The following MPPED2 variants were observed in gnomAD, a reference collection of about 807,000 sequenced individuals.
MPPED2 encodes the protein metallophosphoesterase MPPED2.
A neutral mutation model predicts 33.0 loss-of-function variants in MPPED2; 5 were observed. The observed-to-expected ratio is 0.15, with a 90% CI of 0.08 to 0.32. MPPED2 has a LOEUF of 0.32. Ranked by LOEUF, MPPED2 falls within the 10% of genes least tolerant of loss-of-function variation. The pLI, the probability that MPPED2 is intolerant of heterozygous loss-of-function variation, is 1.00. For missense variants in MPPED2, 275 were observed against 372.1 expected, an observed-to-expected ratio of 0.74 and a Z score of 2.15; for synonymous variants, 136 against 141.9, an observed-to-expected ratio of 0.96 and a Z score of 0.29.
intron 4 of MPPED2, among the ~76,000 whole-genome samples, chr11:30,423,643 T>A (rs1178077352): frequency 6.6e-6 from 1 of 152,220 alleles, no homozygotes; most frequent in Non-Finnish European, 1.5e-5. Flanking sequence ...ACTGGCCAAT[T>A]ATTGGCTTCT....
exon 7 of MPPED2, chr11:30,384,797 C>T (rs1947685287): frequency 6.6e-6 from 1 of 152,126 alleles, no homozygotes; most frequent in Non-Finnish European, 1.5e-5. Context: ...ACTCTATGTC[C>T]ATATGACAAG....
chr11:30,559,506 T>C lies in MPPED2; in HGVS notation c.128+20740A>G, dbSNP rs1956140538. ...TTTGTATACATTTTAACTTGCATGA[T>C]GTGTCAATTAAAAGCTTACTAATTA... On this transcript the variant is annotated intron_variant, in intron 2 of 6. Transcript: ENST00000358117. Among the ~76,000 whole-genome samples, 2 of 152,312 alleles carry C rather than the reference T, an allele frequency of 1.3e-5. 1 individual carries two copies. The highest frequency in any genetic ancestry group is 2.9e-5 in the Non-Finnish European group (2 of 68,024).
chr11:30,533,388 G>A (rs1298263143), intron 3 of MPPED2, among the ~76,000 whole-genome samples: 1 of 152,108 alleles, frequency 6.6e-6, no homozygotes, highest in Non-Finnish European at 1.5e-5. Flanking sequence ...CTACACTAGA[G>A]TAGAAAGCCA....
At chr11:30,478,865 G>A (rs1186937412) in intron 4 of MPPED2, among the ~76,000 whole-genome samples, 1 of 152,170 alleles carries the variant, frequency 6.6e-6, no homozygotes, top group Non-Finnish European at 1.5e-5. Flanking sequence ...ATGCCTGTGT[G>A]TAGTGTTGTG....
chr11:30,531,464 T>C (rs12273679), intron 3 of MPPED2, among the ~76,000 whole-genome samples: 2,798 of 152,224 alleles, frequency 0.018, 81 homozygotes, highest in African/African-American at 0.064. Flanking sequence ...ATGGTAGAGA[T>C]TTGGGAGGAA....
At chr11:30,465,175 A>G (rs1204382830) in intron 4 of MPPED2, among the ~76,000 whole-genome samples, 1 of 152,230 alleles carries the variant, frequency 6.6e-6, no homozygotes, top group Admixed American at 6.5e-5. Flanking sequence ...GTTCATGTAG[A>G]TATGGTAAGC....
At chr11:30,423,152 G>C (rs1948685129) in intron 4 of MPPED2, among the ~76,000 whole-genome samples, 1 of 152,166 alleles carries the variant, frequency 6.6e-6, no homozygotes, top group South Asian at 2.1e-4. Flanking sequence ...CATAAATCCA[G>C]GGAGGCTTGG....
At position 30,543,047 on chromosome 11, in the gene MPPED2, A is replaced by T. The variant is rs542293157; in HGVS notation, c.129-6872T>A. 7.9e-5 allele frequency among the ~76,000 whole-genome samples: 12 copies of T among 152,310 alleles called. No individual in the cohort carries two copies. The East Asian group carries it at 2.1e-3, about 27-fold the overall frequency. On this transcript the variant is annotated intron_variant, in intron 2 of 6. Coordinates refer to ENST00000358117, the MANE Select transcript of MPPED2 (RefSeq NM_001584.3). Reference sequence around the variant, plus strand: ...TCCAGTCATGGATAATTTACATGAGAAGTGAAGTAATGACTTCTCCTAAAC... The same window carrying T: ...TCCAGTCATGGATAATTTACATGAGTAGTGAAGTAATGACTTCTCCTAAAC...
At chr11:30,406,571 G>A (rs1378077112), downstream of MPPED2, among the ~76,000 whole-genome samples, 1 of 152,190 alleles carries the variant, frequency 6.6e-6, no homozygotes, top group East Asian at 1.9e-4. Context: ...GGGAAAAGTA[G>A]CTCTAAACTT....
intron 3 of MPPED2, among the ~76,000 whole-genome samples, chr11:30,524,631 T>C (rs1190656806): frequency 6.6e-6 from 1 of 152,114 alleles, no homozygotes; most frequent in Non-Finnish European, 1.5e-5. Context: ...ATATTATTAT[T>C]GGGGGATTCC....
At chr11:30,481,972 T>C (rs1244522065) in intron 4 of MPPED2, among the ~76,000 whole-genome samples, 1 of 152,086 alleles carries the variant, frequency 6.6e-6, no homozygotes, top group African/African-American at 2.4e-5. Context: ...AATATGTACA[T>C]ATGTGCCAAC....
chr11:30,579,303 G>A (rs999393465), intron 2 of MPPED2, among the ~76,000 whole-genome samples: 10 of 152,164 alleles, frequency 6.6e-5, no homozygotes, highest in East Asian at 1.9e-4. Context: ...ATTCTTCCAG[G>A]AGTGGTAAAA....
chr11:30,536,307 G>A (rs1216490499), intron 2 of MPPED2, 132 bp from the exon 3 acceptor site: 16 of 721,108 alleles, frequency 2.2e-5, no homozygotes, highest in Non-Finnish European at 2.5e-5. Context: ...AGGGCCCACT[G>A]TAATTAAGGA....
chr11:30,472,983 T>C (rs1219545974), intron 4 of MPPED2, among the ~76,000 whole-genome samples: 1 of 152,252 alleles, frequency 6.6e-6, no homozygotes, highest in Non-Finnish European at 1.5e-5. Flanking sequence ...ACATCCTCTA[T>C]GAAATTTTTA....
At position 30,528,471 on chromosome 11, in the gene MPPED2, T is replaced by G. The variant is rs547350589; in HGVS notation, c.310+7523A>C. ...CAGGGTTTTGCCATGTTGCCCACGC[T>G]GGTCTCAAACTCCTGACCTCAAGTG... On this transcript the variant is annotated intron_variant, in intron 3 of 6. Transcript: ENST00000358117. Among the ~76,000 whole-genome samples the G allele has an allele frequency of 9.2e-5, 14 of 152,320 alleles. No individual in the cohort carries two copies. The East Asian group carries it at 1.2e-3, about 13-fold the overall frequency.
intron 4 of MPPED2, among the ~76,000 whole-genome samples, chr11:30,480,446 T>C (rs76110838): frequency 1.3e-5 from 2 of 152,108 alleles, no homozygotes; most frequent in African/African-American, 4.8e-5. Context: ...TTCAGTTTTT[T>C]ATTTTAATCA....
intron 1 of MPPED2, among the ~76,000 whole-genome samples, chr11:30,582,946 C>A (rs772992181): frequency 2.6e-5 from 4 of 152,146 alleles, no homozygotes; most frequent in Admixed American, 6.5e-5. Context: ...CAGCGTCTAT[C>A]TTCTTTAATC....
intron 2 of MPPED2, among the ~76,000 whole-genome samples, chr11:30,579,157 T>C (rs985294524): frequency 2.6e-5 from 4 of 151,838 alleles, no homozygotes; most frequent in African/African-American, 4.8e-5. Flanking sequence ...GGAAAGACCC[T>C]TTTGTTTGGT....
chr11:30,463,858 A>G (rs1011002), intron 4 of MPPED2, among the ~76,000 whole-genome samples: 36 of 118,094 alleles, frequency 3.0e-4, no homozygotes, highest in Admixed American at 5.6e-4. Flanking sequence ...TTTTATATAT[A>G]TATATATACA....
Sources: allele counts gnomAD v4.1 joint callset (sites outside exome capture counted in the v4.1 genomes callset), GRCh38; gene constraint gnomAD v4.1.1; transcripts MANE v1.5; gene names NCBI Gene and HGNC (gene_info 2026-07-23, HGNC 2026-07-21).